VEPH1: variants seen among roughly 807,000 people sequenced by gnomAD.
The protein encoded by VEPH1 is ventricular zone expressed PH domain containing 1, also known as ventricular zone-expressed PH domain-containing protein homolog 1.
A neutral mutation model predicts 85.2 loss-of-function variants in VEPH1; 80 were observed. That is an observed-to-expected ratio of 0.94 (90% CI 0.78 to 1.13). The LOEUF is 1.13. VEPH1 is among the 50% of genes most tolerant of loss of function. VEPH1 has a pLI of 0.00. For synonymous variants in VEPH1, 297 were observed against 348.0 expected, an observed-to-expected ratio of 0.85 and a Z score of 1.63; for missense variants, 955 against 980.5, an observed-to-expected ratio of 0.97 and a Z score of 0.35.
At chr3:157,326,783 T>C (rs1259165892) in intron 9 of VEPH1, among the ~76,000 whole-genome samples, 1 of 152,198 alleles carries the variant, frequency 6.6e-6, no homozygotes, top group Non-Finnish European at 1.5e-5. Context: ...GGTAACACCA[T>C]GGGCAATGGT....
chr3:157,498,431 T>G (rs941646337), intron 1 of VEPH1, among the ~76,000 whole-genome samples: 5 of 152,176 alleles, frequency 3.3e-5, no homozygotes, highest in Admixed American at 1.3e-4. Flanking sequence ...CAGGTACTTA[T>G]CTCAGTGCTT....
At chr3:157,483,527 AT>A (rs550125358) in intron 2 of VEPH1, among the ~76,000 whole-genome samples, 76 of 152,272 alleles carry the variant, frequency 5.0e-4, no homozygotes, top group African/African-American at 1.7e-3. Flanking sequence ...AAGAATAATT[AT>A]TTTTATTTTA....
intron 2 of VEPH1, among the ~76,000 whole-genome samples, chr3:157,492,970 C>T (rs555746547): frequency 2.0e-5 from 3 of 152,162 alleles, no homozygotes; most frequent in South Asian, 4.1e-4. Context: ...AAATCACCCC[C>T]TGCTGATATC....
chr3:157,382,849 T>C (rs923819099), intron 6 of VEPH1, among the ~76,000 whole-genome samples: 4 of 152,196 alleles, frequency 2.6e-5, no homozygotes, highest in Admixed American at 6.5e-5. Flanking sequence ...AGTATCTTTT[T>C]GAGACAGAGT....
intron 11 of VEPH1, among the ~76,000 whole-genome samples, chr3:157,306,227 C>T (rs1041947681): frequency 2.0e-5 from 3 of 152,084 alleles, no homozygotes; most frequent in African/African-American, 7.2e-5. Context: ...TTCCCTTCCC[C>T]GGTAACATTT....
At chr3:157,449,975 T>C (rs1320842332) in intron 4 of VEPH1, among the ~76,000 whole-genome samples, 1 of 151,026 alleles carries the variant, frequency 6.6e-6, no homozygotes, top group African/African-American at 2.4e-5. Flanking sequence ...CTAGTTTCTC[T>C]AAATTGATCT....
rs140715470 is a variant in VEPH1 at position 157,425,058 on chromosome 3, G to A, written c.696+3264C>T. On this transcript the variant is annotated intron_variant, in intron 5 of 13. Transcript: ENST00000362010. ...CATGGGCAAGGCCCAGGGCCCCCAC[G>A]CTGTGTGCAGTCTAGGGACTTGGTT... 3.4e-3 allele frequency among the ~76,000 whole-genome samples: 524 copies of A among 152,330 alleles called. 2 individuals carry two copies. Among genetic ancestry groups the A allele is most frequent in the African/African-American group, 0.012 (502 of 41,574 alleles).
intron 11 of VEPH1, among the ~76,000 whole-genome samples, chr3:157,308,382 T>A (rs1719743894): frequency 6.6e-6 from 1 of 152,140 alleles, no homozygotes; most frequent in Non-Finnish European, 1.5e-5. Flanking sequence ...GTAGGCTTTT[T>A]AAAAAGGATT....
chr3:157,378,451 G>C (rs539700763), intron 7 of VEPH1, among the ~76,000 whole-genome samples: 1 of 150,748 alleles, frequency 6.6e-6, no homozygotes, highest in Non-Finnish European at 1.5e-5. Flanking sequence ...GAAAGGGGGT[G>C]CTTCTTCTAT....
chr3:157,440,746 A>T (rs923286673), intron 4 of VEPH1, among the ~76,000 whole-genome samples: 4 of 152,026 alleles, frequency 2.6e-5, no homozygotes, highest in Non-Finnish European at 5.9e-5. Flanking sequence ...GACACGTAAA[A>T]GGTTTTCGTT....
intron 4 of VEPH1, chr3:157,442,909 T>A: frequency 6.2e-7 from 1 of 1,614,046 alleles, no homozygotes; most frequent in Non-Finnish European, 8.5e-7. Flanking sequence ...TCTTGTCACA[T>A]CCGGGGGAAT....
intron 5 of VEPH1, among the ~76,000 whole-genome samples, chr3:157,418,127 G>C (rs1177260661): frequency 1.3e-5 from 2 of 152,160 alleles, no homozygotes; most frequent in Non-Finnish European, 2.9e-5. Context: ...ACCTGGGAAA[G>C]GAATTCCAAG....
intron 11 of VEPH1, among the ~76,000 whole-genome samples, chr3:157,310,632 T>G (rs1720008127): frequency 6.6e-6 from 1 of 152,220 alleles, no homozygotes; most frequent in African/African-American, 2.4e-5. Context: ...ACAAAACGTG[T>G]GGTGGGACTG....
At chr3:157,419,700 A>G (rs1012178531) in intron 5 of VEPH1, among the ~76,000 whole-genome samples, 4 of 152,216 alleles carry the variant, frequency 2.6e-5, no homozygotes, top group Non-Finnish European at 2.9e-5. Context: ...GTGGAGAAAA[A>G]GGAACATTTT....
At chr3:157,314,881 T>C (rs1273125605) in intron 10 of VEPH1, among the ~76,000 whole-genome samples, 1 of 152,114 alleles carries the variant, frequency 6.6e-6, no homozygotes, top group Non-Finnish European at 1.5e-5. Context: ...AGGAAGATTT[T>C]AAGTTGTGTT....
At chr3:157,297,739 A>T (rs1004493804) in intron 11 of VEPH1, among the ~76,000 whole-genome samples, 2 of 152,084 alleles carry the variant, frequency 1.3e-5, no homozygotes, top group African/African-American at 4.8e-5. Context: ...TGTAGAAAGG[A>T]GGGAATAATG....
chr3:157,411,623 G>T (rs1331855114), intron 6 of VEPH1, among the ~76,000 whole-genome samples: 3 of 152,240 alleles, frequency 2.0e-5, no homozygotes, highest in Middle Eastern at 3.4e-3. Flanking sequence ...TTATTTAAAA[G>T]CTCCTCACGT....
In VEPH1 at chr3:157,471,660, C is replaced by T. The variant is rs116502616; in HGVS notation, c.139-1131G>A. The stretch of plus-strand genomic sequence containing the variant: ...TGTTTATTGGCTGTTTGTATTTTCT[C>T]CTTTGGGAACTACCCACGGTACCTT... On this transcript the variant is annotated intron_variant, in intron 2 of 13. Transcript: ENST00000362010. 6.5e-3 allele frequency among the ~76,000 whole-genome samples: 983 copies of T among 151,282 alleles called. 3 individuals are homozygous for T. Among genetic ancestry groups the T allele is most frequent in the Non-Finnish European group, 0.011 (757 of 67,872 alleles).
intron 6 of VEPH1, among the ~76,000 whole-genome samples, chr3:157,386,774 G>C (rs982683320): frequency 6.6e-6 from 1 of 152,230 alleles, no homozygotes; most frequent in Non-Finnish European, 1.5e-5. Flanking sequence ...ATGACTACGA[G>C]TACAGTGTGG....
Sources: gnomAD v4.1 joint callset for allele counts (sites outside exome capture counted in the v4.1 genomes callset) on GRCh38, gnomAD v4.1.1 for gene constraint, MANE v1.5 for transcripts, NCBI Gene and HGNC (gene_info 2026-07-23, HGNC 2026-07-21) for gene names.